GLMN: variants seen among roughly 807,000 people sequenced by gnomAD.
The protein encoded by GLMN is glomulin, FKBP associated protein, also known as glomulin.
In GLMN, 75 loss-of-function variants were observed where a neutral mutation model predicts 87.8. That is an observed-to-expected ratio of 0.85 (90% CI 0.71 to 1.04). GLMN has a LOEUF of 1.04. Ranked by LOEUF, GLMN falls within the 50% of genes least tolerant of loss-of-function variation. GLMN has a pLI of 0.00. For synonymous variants in GLMN, 206 were observed against 221.6 expected, an observed-to-expected ratio of 0.93 and a Z score of 0.63; for missense variants, 588 against 658.8, an observed-to-expected ratio of 0.89 and a Z score of 1.18.
At chr1:92,319,425 G>A in the GLMN span, among the ~76,000 whole-genome samples, 1 of 152,092 alleles carries the variant, frequency 6.6e-6, no homozygotes, top group Non-Finnish European at 1.5e-5. Context: ...GTTGTTATGA[G>A]GATCAATATC....
rs1029424213 is a variant in GLMN, at chr1:92,250,860, TA to T, written c.1474-2872del. On this transcript the variant is annotated intron_variant, in intron 16 of 18. Transcript: ENST00000370360. ...GAGATATTGTTTACATACAGTAAAA[TA>T]TAACCTTCTAGCTATACAATTCTGA... 1.1e-3 allele frequency among the ~76,000 whole-genome samples: 171 copies of T among 152,282 alleles called. 1 individual carries two copies. The highest frequency in any genetic ancestry group is 3.9e-3 in the African/African-American group (163 of 41,564).
At chr1:92,270,143 G>A (rs1171281116) in intron 8 of GLMN, among the ~76,000 whole-genome samples, 1 of 152,202 alleles carries the variant, frequency 6.6e-6, no homozygotes, top group East Asian at 1.9e-4. Context: ...CAGGAGAGAG[G>A]CATGGAGAAG....
Position 92,280,352 on chromosome 1 carries a change from C to T in GLMN, c.735+6138G>A, listed in dbSNP as rs367580567. 8.5e-5 allele frequency among the ~76,000 whole-genome samples: 13 copies of T among 152,296 alleles called. No homozygotes were observed. The East Asian group carries it at 9.6e-4, about 11-fold the overall frequency. Reference sequence around the variant, plus strand: ...GGGTCTGGAGTGGACCTCTAGCAAACTCCAACATACCTGCAGCTGAGAGGT... The same window carrying T: ...GGGTCTGGAGTGGACCTCTAGCAAATTCCAACATACCTGCAGCTGAGAGGT... On this transcript the variant is annotated intron_variant, in intron 7 of 18. Coordinates refer to ENST00000370360, the MANE Select transcript of GLMN (RefSeq NM_053274.3).
At chr1:92,290,401 T>C in intron 4 of GLMN, 95 bp from the exon 5 acceptor site, 1 of 749,026 alleles carries the variant, frequency 1.3e-6, no homozygotes, top group East Asian at 2.6e-5. Context: ...GACAAAATAT[T>C]ATACAATTAT....
At chr1:92,349,598 G>C in the GLMN span, among the ~76,000 whole-genome samples, 19 of 152,106 alleles carry the variant, frequency 1.2e-4, no homozygotes, top group Non-Finnish European at 2.8e-4. Context: ...TCTTCTCCTG[G>C]TGACTTTCAT....
chr1:92,315,910 T>C, the GLMN span, among the ~76,000 whole-genome samples: 1 of 152,188 alleles, frequency 6.6e-6, no homozygotes, highest in Non-Finnish European at 1.5e-5. Flanking sequence ...CGCACTGTGA[T>C]GCTTCTCATC....
chr1:92,323,031 T>C, the GLMN span, among the ~76,000 whole-genome samples: 2 of 146,728 alleles, frequency 1.4e-5, no homozygotes, highest in Non-Finnish European at 3.0e-5. Context: ...TATTTTTATA[T>C]ATTTATATAT....
At chr1:92,302,330 G>GAA (rs777891331), upstream of GLMN, among the ~76,000 whole-genome samples, 7 of 132,162 alleles carry the variant, frequency 5.3e-5, no homozygotes, top group Non-Finnish European at 1.2e-4. Flanking sequence ...GGATGGGGGA[G>GAA]AAAAAAAAAA....
chr1:92,312,897 C>T, the GLMN span, among the ~76,000 whole-genome samples: 1 of 151,896 alleles, frequency 6.6e-6, no homozygotes, highest in Non-Finnish European at 1.5e-5. Context: ...TCTTGGCTCA[C>T]TACAACCTCT....
chr1:92,264,705 AG>A, intron 13 of GLMN, 67 bp from the exon 14 acceptor site: 2 of 894,324 alleles, frequency 2.2e-6, no homozygotes, highest in South Asian at 2.7e-5. Context: ...TGGTGATAAA[AG>A]TTTTACAAAT....
the GLMN span, among the ~76,000 whole-genome samples, chr1:92,355,399 TG>T: frequency 6.6e-6 from 1 of 152,140 alleles, no homozygotes; most frequent in Non-Finnish European, 1.5e-5. Context: ...AAGTATGAGG[TG>T]TAAAAAGTAA....
At position 92,247,080 on chromosome 1, in the gene GLMN, A is replaced by T; in HGVS notation, c.1650T>A (p.Pro550=). ...AGATCACCTTAAGCTGCATTTCAGG[A>T]GGCATATTAGGGATCTCTTCTCCAC... The part of the protein sequence containing the change: ...TVSGEEIPNM[P]PEMQLKVLHS... Residue 550 remains proline (P), a synonymous_variant, in exon 18 of 19, where the codon CCT becomes CCA. Coordinates refer to ENST00000370360, the MANE Select transcript of GLMN (RefSeq NM_053274.3). The T allele has an allele frequency of 1.3e-6, 2 of 1,546,104 alleles. No individual in the cohort carries two copies. Among genetic ancestry groups the T allele is most frequent in the Non-Finnish European group, 1.8e-6 (2 of 1,118,892 alleles).
chr1:92,276,658 G>A (rs1278560360), intron 7 of GLMN, among the ~76,000 whole-genome samples: 1 of 152,134 alleles, frequency 6.6e-6, no homozygotes, highest in Non-Finnish European at 1.5e-5. Context: ...GTGAAACCCT[G>A]TCTCAAAAAA....
chr1:92,289,055 TC>T lies in GLMN; in HGVS notation c.490del (p.Glu164AsnfsTer17), dbSNP rs1216462713. The stretch of plus-strand genomic sequence containing the variant: ...GCCATAGTCATCCATTTGTATTTGT[TC>T]TTTTGAGTATGGAACAGGAAGAAGA... ...LSLLPVPYSK[E>X]QIQMDDYGLC... On this transcript the variant is annotated frameshift_variant, in exon 6 of 19. Transcript: ENST00000370360. LOFTEE classifies it high-confidence loss of function. 8.7e-6 allele frequency: 14 copies of T among 1,611,356 alleles called. No homozygotes were observed.
intron 17 of GLMN, 25 bp from the exon 18 acceptor site, chr1:92,247,169 T>C: frequency 9.1e-7 from 1 of 1,095,784 alleles, no homozygotes; most frequent in South Asian, 1.2e-5. Flanking sequence ...AAATCATGTG[T>C]GACACTTAAC....
At chr1:92,254,370 C>CA (rs1196099466) in intron 16 of GLMN, among the ~76,000 whole-genome samples, 1 of 152,118 alleles carries the variant, frequency 6.6e-6, no homozygotes. Flanking sequence ...GGAGAACTTC[C>CA]CAACCTAGGA....
upstream of GLMN, chr1:92,299,061 A>G: frequency 6.8e-7 from 1 of 1,461,276 alleles, no homozygotes; most frequent in Non-Finnish European, 9.1e-7. Flanking sequence ...CGTCCGGCAG[A>G]CTACTCTCCC....
the GLMN span, among the ~76,000 whole-genome samples, chr1:92,353,406 A>T: frequency 6.6e-6 from 1 of 152,206 alleles, no homozygotes; most frequent in African/African-American, 2.4e-5. Flanking sequence ...CAGTTTCCCA[A>T]AAACTTAAAT....
intron 16 of GLMN, among the ~76,000 whole-genome samples, chr1:92,255,392 T>C (rs560716081): frequency 1.3e-5 from 2 of 152,214 alleles, no homozygotes; most frequent in African/African-American, 4.8e-5. Flanking sequence ...TCAACTCAGC[T>C]CTGGACCAAG....
Sources: allele counts gnomAD v4.1 joint callset (sites outside exome capture counted in the v4.1 genomes callset), GRCh38; gene constraint gnomAD v4.1.1; transcripts MANE v1.5; gene names NCBI Gene and HGNC (gene_info 2026-07-23, HGNC 2026-07-21).